MCM8: variants seen among roughly 807,000 people sequenced by gnomAD.
The protein encoded by MCM8 is minichromosome maintenance 8 homologous recombination repair factor, also known as DNA helicase MCM8.
MCM8 carries 85 observed loss-of-function variants against 98.9 expected under a neutral mutation model. The ratio of observed to expected loss-of-function variants is 0.86; its 90% confidence interval spans 0.72 to 1.03. MCM8 has a LOEUF of 1.03. MCM8 is among the 50% of genes least tolerant of loss of function. The pLI, the probability that MCM8 is intolerant of heterozygous loss-of-function variation, is 0.00. For synonymous variants in MCM8, 352 were observed against 338.6 expected (o/e 1.04, Z -0.44); for missense variants, 951 against 997.8 (o/e 0.95, Z 0.63).
chr20:5,963,595 C>A (rs2089205969), intron 8 of MCM8, among the ~76,000 whole-genome samples: 2 of 136,634 alleles, frequency 1.5e-5, no homozygotes, highest in Admixed American at 1.6e-4. Flanking sequence ...GTGGCGCGAT[C>A]TTGGCTCACT....
rs568303815 is a variant in MCM8 at position 5,977,602 on chromosome 20, C to T, written c.1396-274C>T. The stretch of plus-strand genomic sequence containing the variant: ...GGAATTGTGTTGAGTATTTATATGA[C>T]CACAGACTTCAGAATCTGACTGCCT... On this transcript the variant is annotated intron_variant, in intron 12 of 18. Transcript: ENST00000610722. 2.0e-5 allele frequency among the ~76,000 whole-genome samples: 3 copies of T among 152,284 alleles called. No homozygotes were observed. In the East Asian group the frequency reaches 5.8e-4, roughly 29 times the overall value.
Position 5,958,734 on chromosome 20 carries a change from G to A in MCM8, c.789+8G>A, listed in dbSNP as rs1013012684. 28 of 1,610,028 alleles carry A rather than the reference G, an allele frequency of 1.7e-5. No individual in the cohort carries two copies. Among genetic ancestry groups the A allele is most frequent in the African/African-American group, 6.7e-5 (5 of 74,688 alleles). The stretch of plus-strand genomic sequence containing the variant: ...TACAGTCTTCCCACAAAGGTAATAC[G>A]TTCTTTAACTGCTTCTTTATTTATC... On this transcript the variant is annotated splice_region_variant and intron_variant, in intron 7 of 18. Coordinates refer to ENST00000610722, the MANE Select transcript of MCM8 (RefSeq NM_032485.6).
chr20:5,977,750 G>A (rs966554135), intron 12 of MCM8, 126 bp from the exon 13 acceptor site: 28 of 929,546 alleles, frequency 3.0e-5, no homozygotes, highest in Non-Finnish European at 4.3e-5. Flanking sequence ...GCTGGTGATG[G>A]TGCACCTTGT....
Position 5,982,915 on chromosome 20 carries a change from T to C in MCM8, c.1538-55T>C, listed in dbSNP as rs2089656493. 4.1e-6 allele frequency: 6 copies of C among 1,447,196 alleles called. No homozygotes were observed. In the South Asian group the frequency reaches 6.4e-5, roughly 15 times the overall value. 89.6% of individuals were successfully genotyped at this position (1,447,196 alleles called of 1,614,324 possible). A position where few individuals can be genotyped will look rare whatever the true frequency, so the allele number is the denominator to read the frequency against. On this transcript the variant is annotated intron_variant, in intron 13 of 18. Coordinates refer to ENST00000610722, the MANE Select transcript of MCM8 (RefSeq NM_032485.6). ...GAAACAATTTCTATCCTATAAAATT[T>C]GGAACTTGACCAAAGAAAAAATGTT...
intron 17 of MCM8, among the ~76,000 whole-genome samples, chr20:5,991,622 A>G (rs925260868): frequency 1.3e-5 from 2 of 152,252 alleles, no homozygotes; most frequent in African/African-American, 4.8e-5. Context: ...CACTATGTTC[A>G]TGGTAGAGAT....
At chr20:5,962,908 A>C (rs1298555140) in intron 7 of MCM8, among the ~76,000 whole-genome samples, 1 of 152,146 alleles carries the variant, frequency 6.6e-6, no homozygotes, top group Non-Finnish European at 1.5e-5. Context: ...GCCTTTTGAA[A>C]AGGAGAGGAT....
chr20:5,991,688 C>T (rs1222782863), intron 17 of MCM8, among the ~76,000 whole-genome samples: 4 of 152,150 alleles, frequency 2.6e-5, no homozygotes, highest in Non-Finnish European at 5.9e-5. Context: ...TTGTTATGCT[C>T]AACATGCATT....
intron 10 of MCM8, among the ~76,000 whole-genome samples, chr20:5,969,773 T>C (rs560617929): frequency 2.4e-4 from 36 of 152,300 alleles, no homozygotes; most frequent in African/African-American, 8.7e-4. Context: ...TAAAAGCCAT[T>C]CAGACCCACC....
In MCM8 at chr20:5,993,510, C is replaced by T; in HGVS notation, c.2245C>T (p.Leu749=). 1.3e-6 allele frequency: 2 copies of T among 1,546,156 alleles called. No individual in the cohort carries two copies. The highest frequency in any genetic ancestry group is 1.8e-5 in the Admixed American group (1 of 54,668). ...DIVEIMKYSM[L]GTYSDEFGNL... Reference sequence around the variant, plus strand: ...TTTTCTTCCTTTCTTTTTAAGCATGCTAGGAACTTACTCTGATGAATTTGG... The same window carrying T: ...TTTTCTTCCTTTCTTTTTAAGCATGTTAGGAACTTACTCTGATGAATTTGG... Residue 749 remains leucine, a synonymous_variant, in exon 18 of 19, where the codon CTA becomes TTA. Coordinates refer to ENST00000610722, the MANE Select transcript of MCM8 (RefSeq NM_032485.6).
intron 4 of MCM8, 25 bp from the exon 5 acceptor site, chr20:5,955,077 G>A (rs1471767207): frequency 1.3e-6 from 2 of 1,519,684 alleles, no homozygotes; most frequent in Non-Finnish European, 1.8e-6. Flanking sequence ...AGCAATTATT[G>A]TTTTCATACT....
At chr20:5,975,634 C>G (rs1161455119) in intron 12 of MCM8, among the ~76,000 whole-genome samples, 1 of 151,434 alleles carries the variant, frequency 6.6e-6, no homozygotes, top group African/African-American at 2.4e-5. Flanking sequence ...GTAGCTGGGA[C>G]TACAGGCGCC....
At chr20:5,971,236 T>C (rs1412614018) in intron 10 of MCM8, among the ~76,000 whole-genome samples, 2 of 152,222 alleles carry the variant, frequency 1.3e-5, no homozygotes, top group Admixed American at 6.5e-5. Flanking sequence ...ACATGCCTTA[T>C]TATACCTCTC....
At chr20:5,991,593 T>A (rs537103260) in intron 17 of MCM8, 6 of 152,326 alleles carry the variant, frequency 3.9e-5, no homozygotes, top group Admixed American at 3.9e-4. Context: ...AAGAAAATAG[T>A]TTGATTGGAA....
At chr20:5,958,897 T>C (rs1208867651) in intron 7 of MCM8, among the ~76,000 whole-genome samples, 171 bp downstream of exon 7, 1 of 152,216 alleles carries the variant, frequency 6.6e-6, no homozygotes, top group African/African-American at 2.4e-5. Context: ...CAGAAATAAA[T>C]AAAACATTCC....
chr20:5,958,474 T>G (rs2089045600), intron 6 of MCM8, 54 bp from the exon 7 acceptor site: 2 of 1,441,748 alleles, frequency 1.4e-6, no homozygotes, highest in Non-Finnish European at 1.9e-6. Flanking sequence ...AAGGAACTTG[T>G]GAAAATATAA....
intron 7 of MCM8, among the ~76,000 whole-genome samples, chr20:5,959,744 G>A (rs922705298): frequency 7.0e-6 from 1 of 142,706 alleles, no homozygotes; most frequent in Admixed American, 7.7e-5. Flanking sequence ...TGTTGCCCGG[G>A]CTGGAGTGCA....
chr20:5,958,911 A>C (rs2089060800), intron 7 of MCM8, among the ~76,000 whole-genome samples, 185 bp downstream of exon 7: 1 of 152,158 alleles, frequency 6.6e-6, no homozygotes, highest in African/African-American at 2.4e-5. Flanking sequence ...ACATTCCACT[A>C]CTCATCACCC....
intron 8 of MCM8, chr20:5,965,288 T>C (rs1031400623): frequency 6.6e-6 from 1 of 152,250 alleles, no homozygotes; most frequent in African/African-American, 2.4e-5. Flanking sequence ...TGGAACTGGC[T>C]GGACAGTTTA....
intron 16 of MCM8, 61 bp downstream of exon 16, chr20:5,986,192 TCTC>T: frequency 6.8e-7 from 1 of 1,473,432 alleles, no homozygotes; most frequent in Admixed American, 1.7e-5. Flanking sequence ...TGCCTTGACT[TCTC>T]TTTTGAAGTA....
Sources: gnomAD v4.1 joint callset for allele counts (sites outside exome capture counted in the v4.1 genomes callset) on GRCh38, gnomAD v4.1.1 for gene constraint, MANE v1.5 for transcripts, NCBI Gene and HGNC (gene_info 2026-07-23, HGNC 2026-07-21) for gene names.